DMBT1: variants seen among roughly 807,000 people sequenced by gnomAD.
DMBT1 encodes scavenger receptor cysteine-rich domain-containing protein DMBT1.
A neutral mutation model predicts 252.9 loss-of-function variants in DMBT1; 198 were observed. That is an observed-to-expected ratio of 0.78 (90% CI 0.70 to 0.88). DMBT1 has a LOEUF of 0.88. DMBT1 is among the 40% of genes least tolerant of loss of function. The probability of loss-of-function intolerance (pLI) is 0.00; values close to 1 mark genes in which losing one functional copy is unlikely to be tolerated. For synonymous variants in DMBT1, 990 were observed against 942.7 expected (o/e 1.05, Z -0.92); for missense variants, 2,432 against 2,404.7 (o/e 1.01, Z -0.24).
At chr10:122,642,233 A>G (rs1015486818) in intron 55 of DMBT1, among the ~76,000 whole-genome samples, 4 of 152,008 alleles carry the variant, frequency 2.6e-5, no homozygotes, top group East Asian at 1.9e-4. Flanking sequence ...TGGGTTGCCT[A>G]TGGAGGAAGG....
chr10:122,621,411 T>C, intron 44 of DMBT1, 31 bp downstream of exon 44: 1 of 1,613,506 alleles, frequency 6.2e-7, no homozygotes. Context: ...GCTCCCTCTC[T>C]TGGGGTGGAG....
chr10:122,637,014 T>C, intron 53 of DMBT1, 114 bp from the exon 54 acceptor site: 1 of 978,228 alleles, frequency 1.0e-6, no homozygotes, highest in South Asian at 1.6e-5. Context: ...GTGCTGACCC[T>C]CCCTGTCAGC....
At chr10:122,636,261 C>G in intron 53 of DMBT1, 62 bp downstream of exon 53, 1 of 1,415,572 alleles carries the variant, frequency 7.1e-7, no homozygotes, top group South Asian at 1.2e-5. Flanking sequence ...ATCTGTGGCT[C>G]AACTGTCCTG....
chr10:122,636,227 T>G, intron 53 of DMBT1, 28 bp downstream of exon 53: 1 of 1,583,032 alleles, frequency 6.3e-7, no homozygotes, highest in Non-Finnish European at 8.7e-7. Flanking sequence ...AATGCTCTGT[T>G]GGGACTGGGG....
chr10:122,627,549 G>T (rs1304680349), intron 46 of DMBT1, among the ~76,000 whole-genome samples: 3 of 152,172 alleles, frequency 2.0e-5, no homozygotes, highest in Non-Finnish European at 2.9e-5. Flanking sequence ...TAGTTAAACG[G>T]TTACTAATTG....
Position 122,586,400 on chromosome 10 carries a change from T to C in DMBT1, c.1783+17T>C. The C allele has an allele frequency of 6.3e-7, 1 of 1,587,588 alleles. No individual in the cohort carries two copies. The highest frequency in any genetic ancestry group is 8.6e-7 in the Non-Finnish European group (1 of 1,165,332). Reference sequence around the variant, plus strand: ...TCTGCTCAGGTGGGCCTCCAAGACTTTTGGTTTCCTCTCTTGGGGTAGATT... The same window carrying C: ...TCTGCTCAGGTGGGCCTCCAAGACTCTTGGTTTCCTCTCTTGGGGTAGATT... On this transcript the variant is annotated intron_variant, in intron 16 of 55. Transcript: ENST00000338354.
rs1162344961 is a variant in DMBT1 at position 122,580,906 on chromosome 10, A to G, written c.1033+11A>G. 4.3e-6 allele frequency: 7 copies of G among 1,613,520 alleles called. No homozygotes were observed. The highest frequency in any genetic ancestry group is 5.9e-6 in the Non-Finnish European group (7 of 1,179,822). ...CGACACCCAGCCCAGGTAGGTCCCC[A>G]GTGTCCTTCCTCAAAATGTCCCTTC... On this transcript the variant is annotated intron_variant, in intron 11 of 55. Transcript: ENST00000338354.
chr10:122,628,965 A>T (rs1455794125), intron 46 of DMBT1, among the ~76,000 whole-genome samples: 1 of 152,130 alleles, frequency 6.6e-6, no homozygotes, highest in Non-Finnish European at 1.5e-5. Flanking sequence ...GAAAAAGTAA[A>T]CAAAGAGTTA....
chr10:122,639,429 G>C (rs957957864), intron 54 of DMBT1, among the ~76,000 whole-genome samples: 1 of 152,104 alleles, frequency 6.6e-6, no homozygotes, highest in African/African-American at 2.4e-5. Context: ...TAGGGGTGGG[G>C]CCGTTTTATA....
intron 41 of DMBT1, 74 bp downstream of exon 41, chr10:122,618,414 G>A: frequency 1.9e-6 from 3 of 1,609,072 alleles, no homozygotes; most frequent in Non-Finnish European, 1.7e-6. Context: ...ATTACATTCT[G>A]ATCTCCTCAC....
chr10:122,628,411 G>A (rs1050254219), intron 46 of DMBT1, among the ~76,000 whole-genome samples: 8 of 152,270 alleles, frequency 5.3e-5, no homozygotes, highest in African/African-American at 9.6e-5. Context: ...CAAGATGGGC[G>A]GATTGGCTGA....
intron 54 of DMBT1, among the ~76,000 whole-genome samples, chr10:122,637,999 C>G (rs78631328): frequency 6.6e-6 from 1 of 152,118 alleles, no homozygotes; most frequent in Non-Finnish European, 1.5e-5. Context: ...CCCCTACCAC[C>G]GATTTCTGTG....
Position 122,598,262 on chromosome 10 carries a change from G to A in DMBT1, c.2956+250G>A, listed in dbSNP as rs145025839. Among the ~76,000 whole-genome samples the A allele has an allele frequency of 1.6e-3, 247 of 152,160 alleles. 2 individuals carry two copies. The highest frequency in any genetic ancestry group is 5.6e-3 in the African/African-American group (231 of 41,462). On this transcript the variant is annotated intron_variant, in intron 25 of 55. Coordinates refer to ENST00000338354, the MANE Select transcript of DMBT1 (RefSeq NM_001377530.1). Reference sequence around the variant, plus strand: ...CAGGAAACATCCTCATCCAGGTGCTGAGGAAAAGCCCTGGAGGGTTCCCTA... The same window carrying A: ...CAGGAAACATCCTCATCCAGGTGCTAAGGAAAAGCCCTGGAGGGTTCCCTA...
At chr10:122,570,233 C>T (rs756367570) in intron 3 of DMBT1, 24 bp downstream of exon 3, 1 of 1,538,380 alleles carries the variant, frequency 6.5e-7, no homozygotes, top group Non-Finnish European at 9.0e-7. Flanking sequence ...TGGGGGAACC[C>T]TGTGGGCTCA....
chr10:122,630,599 C>T (rs762663940), intron 48 of DMBT1, 109 bp downstream of exon 48: 363 of 1,158,212 alleles, frequency 3.1e-4, no homozygotes, highest in Non-Finnish European at 3.5e-4. Flanking sequence ...CAGCGATGCA[C>T]GGCCCATTCT....
intron 46 of DMBT1, among the ~76,000 whole-genome samples, chr10:122,628,255 G>C (rs1188658334): frequency 6.6e-6 from 1 of 152,240 alleles, no homozygotes; most frequent in Non-Finnish European, 1.5e-5. Flanking sequence ...GTAGCCAAAT[G>C]TGAATGCAAT....
At chr10:122,597,853 C>A in intron 24 of DMBT1, 121 bp from the exon 25 acceptor site, 18 of 1,449,160 alleles carry the variant, frequency 1.2e-5, no homozygotes, top group East Asian at 2.3e-5. Context: ...ACATGGGGAG[C>A]AAGTGGCAGG....
intron 2 of DMBT1, among the ~76,000 whole-genome samples, chr10:122,569,144 C>A (rs1381493921): frequency 6.6e-6 from 1 of 152,064 alleles, no homozygotes; most frequent in African/African-American, 2.4e-5. Context: ...TCAGTCTCAC[C>A]CCCCAGAGCC....
intron 43 of DMBT1, 33 bp downstream of exon 43, chr10:122,620,324 ACT>A (rs1299847898): frequency 1.1e-5 from 18 of 1,610,640 alleles, no homozygotes; most frequent in Non-Finnish European, 1.4e-5. Flanking sequence ...CCTAGGGCTC[ACT>A]CTCTACCTCT....
Sources: allele counts gnomAD v4.1 joint callset (sites outside exome capture counted in the v4.1 genomes callset), GRCh38; gene constraint gnomAD v4.1.1; transcripts MANE v1.5; gene names NCBI Gene and HGNC (gene_info 2026-07-23, HGNC 2026-07-21).